RIMS2: variants seen among roughly 807,000 people sequenced by gnomAD.
The protein encoded by RIMS2 is regulating synaptic membrane exocytosis protein 2.
Under a neutral mutation model 174.4 loss-of-function variants are expected in RIMS2, and 59 were observed. The observed-to-expected ratio is 0.34, with a 90% CI of 0.27 to 0.42. The LOEUF (loss-of-function observed/expected upper bound fraction) is 0.42. Among genes scored for constraint, RIMS2 ranks in the 10% least tolerant of loss-of-function variants. The probability of loss-of-function intolerance (pLI) is 1.00; values close to 1 mark genes in which losing one functional copy is unlikely to be tolerated. For missense variants in RIMS2, 1,620 were observed against 1,666.3 expected (o/e 0.97, Z 0.48); for synonymous variants, 606 against 572.5 (o/e 1.06, Z -0.84).
chr8:104,247,976 G>A (rs1037230595), intron 20 of RIMS2, among the ~76,000 whole-genome samples: 1 of 152,236 alleles, frequency 6.6e-6, no homozygotes, highest in Non-Finnish European at 1.5e-5. Flanking sequence ...ACTAGCAGAG[G>A]AGGTTAAGGC....
intron 11 of RIMS2, among the ~76,000 whole-genome samples, chr8:103,928,044 T>C (rs1426167423): frequency 2.6e-5 from 4 of 151,600 alleles, no homozygotes; most frequent in South Asian, 4.1e-4. Flanking sequence ...TTGTAAAATT[T>C]TGCATGGGGA....
chr8:103,741,057 T>A (rs1351152315), intron 2 of RIMS2, among the ~76,000 whole-genome samples: 1 of 152,056 alleles, frequency 6.6e-6, no homozygotes, highest in Non-Finnish European at 1.5e-5. Context: ...TTTTGAAAAA[T>A]TTCTATTGGA....
Position 103,801,140 on chromosome 8 carries a change from A to G in RIMS2, c.698+34603A>G, listed in dbSNP as rs181388138. 2.1e-3 allele frequency among the ~76,000 whole-genome samples: 326 copies of G among 152,166 alleles called. 1 individual carries two copies. Among genetic ancestry groups the G allele is most frequent in the African/African-American group, 7.6e-3 (315 of 41,534 alleles). On this transcript the variant is annotated intron_variant, in intron 3 of 23. Coordinates refer to ENST00000504942, the Ensembl canonical transcript of RIMS2. ...GCTGGGACTACAGGTGCACACCACC[A>G]CACTCGGCTAATTTTTTTTGTATTT...
At chr8:103,643,549 GAGTT>G (rs1489451950) in intron 1 of RIMS2, among the ~76,000 whole-genome samples, 1 of 152,146 alleles carries the variant, frequency 6.6e-6, no homozygotes, top group African/African-American at 2.4e-5. Context: ...ATCTGGAGAA[GAGTT>G]AGACTGTGTT....
At chr8:103,924,701 C>A (rs2078402788) in intron 10 of RIMS2, among the ~76,000 whole-genome samples, 1 of 151,504 alleles carries the variant, frequency 6.6e-6, no homozygotes, top group South Asian at 2.1e-4. Context: ...TCTGTCAGTT[C>A]ATGTCTCAAA....
intron 3 of RIMS2, among the ~76,000 whole-genome samples, chr8:103,795,990 A>G (rs911621003): frequency 3.9e-5 from 6 of 152,084 alleles, no homozygotes; most frequent in Non-Finnish European, 8.8e-5. Context: ...TGCACCATCA[A>G]TCATTCTTAT....
intron 19 of RIMS2, among the ~76,000 whole-genome samples, chr8:104,086,765 T>C (rs760487670): frequency 6.6e-6 from 1 of 152,136 alleles, no homozygotes; most frequent in Non-Finnish European, 1.5e-5. Context: ...TCTAGATCTA[T>C]AGAATGGAGA....
intron 1 of RIMS2, among the ~76,000 whole-genome samples, chr8:103,607,232 G>A (rs1029536297): frequency 2.0e-5 from 3 of 152,134 alleles, no homozygotes; most frequent in Non-Finnish European, 4.4e-5. Flanking sequence ...GCTTGTCTGT[G>A]AAGTATTTTA....
chr8:103,961,107 G>C, exon 15 of RIMS2: 1 of 1,504,302 alleles, frequency 6.6e-7, no homozygotes, highest in Non-Finnish European at 9.3e-7. Flanking sequence ...GACTATGACT[G>C]TGATGATGGA....
At chr8:103,610,324 C>T (rs1462088897) in intron 1 of RIMS2, among the ~76,000 whole-genome samples, 1 of 152,058 alleles carries the variant, frequency 6.6e-6, no homozygotes, top group African/African-American at 2.4e-5. Context: ...CCTTTTATTT[C>T]TTTTTCATGT....
At chr8:103,772,011 T>G (rs779011988) in intron 3 of RIMS2, among the ~76,000 whole-genome samples, 3 of 152,082 alleles carry the variant, frequency 2.0e-5, no homozygotes, top group Non-Finnish European at 2.9e-5. Flanking sequence ...GATGAATATT[T>G]AGCAGTTTGG....
chr8:104,044,223 T>A (rs561046866), intron 19 of RIMS2, among the ~76,000 whole-genome samples: 26 of 151,422 alleles, frequency 1.7e-4, no homozygotes, highest in African/African-American at 6.0e-4. Flanking sequence ...GATTAGGAGG[T>A]CTCTAAGCAA....
In RIMS2 at chr8:103,530,865, T is replaced by C. The variant is rs942788829; in HGVS notation, c.176+29803T>C. On this transcript the variant is annotated intron_variant, in intron 1 of 23. Transcript: ENST00000504942. ...GACTGGGAGGCAGGGGCTAGAACTG[T>C]TTTATTTCTTGCTTTGAAGTGCTGG... Among the ~76,000 whole-genome samples, 12 of 152,112 alleles carry C rather than the reference T, an allele frequency of 7.9e-5. No homozygotes were observed. In the East Asian group the frequency reaches 2.1e-3, roughly 27 times the overall value.
At chr8:103,984,272 T>A (rs2094174426) in intron 16 of RIMS2, among the ~76,000 whole-genome samples, 1 of 151,872 alleles carries the variant, frequency 6.6e-6, no homozygotes, top group South Asian at 2.1e-4. Context: ...ACCCACAGAA[T>A]GGGAGGAAAT....
chr8:103,918,324 T>C (rs2076985133), intron 8 of RIMS2, 117 bp from the exon 12 acceptor site: 1 of 578,336 alleles, frequency 1.7e-6, no homozygotes, highest in African/African-American at 1.9e-5. Context: ...GCCACTATTA[T>C]ACACAGTTTT....
chr8:103,671,340 C>G (rs141685192), intron 1 of RIMS2, among the ~76,000 whole-genome samples: 2 of 152,124 alleles, frequency 1.3e-5, no homozygotes, highest in African/African-American at 4.8e-5. Flanking sequence ...GGAGTTCATT[C>G]GAATAGCACA....
chr8:103,623,545 C>T (rs1216843244), intron 1 of RIMS2, among the ~76,000 whole-genome samples: 17 of 119,854 alleles, frequency 1.4e-4, no homozygotes, highest in East Asian at 1.1e-3. Context: ...AGTGCAGTGG[C>T]GCGATCTCGG....
chr8:104,100,851 T>C (rs1380921008), intron 19 of RIMS2, among the ~76,000 whole-genome samples: 1 of 141,254 alleles, frequency 7.1e-6, no homozygotes, highest in Admixed American at 7.5e-5. Context: ...ATATGTATTA[T>C]ATATGTAATA....
chr8:103,967,621 G>T (rs188671228), intron 15 of RIMS2, among the ~76,000 whole-genome samples: 2 of 152,036 alleles, frequency 1.3e-5, no homozygotes, highest in Admixed American at 1.3e-4. Flanking sequence ...TGATAGAGTG[G>T]TACGGTAATC....
Sources: gnomAD v4.1 joint callset for allele counts (sites outside exome capture counted in the v4.1 genomes callset) on GRCh38, gnomAD v4.1.1 for gene constraint, MANE v1.5 for transcripts, NCBI Gene and HGNC (gene_info 2026-07-23, HGNC 2026-07-21) for gene names.